Variants in C12orf75 observed in about 807,000 individuals in gnomAD.
The protein encoded by C12orf75 is overexpressed in colon carcinoma 1 protein.
C12orf75 carries 4 observed loss-of-function variants against 11.4 expected under a neutral mutation model. The observed-to-expected ratio is 0.35, with a 90% CI of 0.17 to 0.80. The LOEUF (loss-of-function observed/expected upper bound fraction) is 0.80. C12orf75 is among the 30% of genes least tolerant of loss of function. The probability of loss-of-function intolerance (pLI) is 0.52; values close to 1 mark genes in which losing one functional copy is unlikely to be tolerated. For missense variants in C12orf75, 89 were observed against 80.4 expected, an observed-to-expected ratio of 1.11 and a Z score of -0.41; for synonymous variants, 30 against 30.0, an observed-to-expected ratio of 1.00 and a Z score of 0.00.
At chr12:105,331,591 A>AACACACACAC (rs71440581) in intron 1 of C12orf75, among the ~76,000 whole-genome samples, 68 of 149,290 alleles carry the variant, frequency 4.6e-4, no homozygotes, top group Admixed American at 1.3e-3. Flanking sequence ...CTTTTCATTA[A>AACACACACAC]ACACACACAC....
At chr12:105,358,747 G>A (rs1292561027) in intron 2 of C12orf75, among the ~76,000 whole-genome samples, 1 of 152,150 alleles carries the variant, frequency 6.6e-6, no homozygotes, top group Non-Finnish European at 1.5e-5. Context: ...GGAAAAACAA[G>A]CTTATTACAC....
chr12:105,343,861 TACACACACACAG>T (rs1892603866), intron 1 of C12orf75, among the ~76,000 whole-genome samples: 1 of 152,080 alleles, frequency 6.6e-6, no homozygotes, highest in Non-Finnish European at 1.5e-5. Flanking sequence ...TTTACAATCA[TACACACACACAG>T]ACACACACAC....
chr12:105,369,271 A>G (rs1468649353), intron 5 of C12orf75, among the ~76,000 whole-genome samples: 2 of 92,870 alleles, frequency 2.2e-5, no homozygotes, highest in African/African-American at 4.8e-5. Flanking sequence ...ACACTTTAGC[A>G]TAATCCTGGT....
chr12:105,343,922 A>G (rs1161499963), intron 1 of C12orf75, among the ~76,000 whole-genome samples: 1 of 151,998 alleles, frequency 6.6e-6, no homozygotes. Context: ...CCCCACCCCT[A>G]CCATTGCAGT....
chr12:105,348,902 A>AT (rs5800663), intron 2 of C12orf75, among the ~76,000 whole-genome samples: 26,770 of 150,938 alleles, frequency 0.18, 2,700 homozygotes, highest in Non-Finnish European at 0.23. Flanking sequence ...TGGTATAGAG[A>AT]TTTTTTTTTT....
intron 2 of C12orf75, among the ~76,000 whole-genome samples, chr12:105,357,589 A>G (rs531014639): frequency 1.3e-5 from 2 of 152,272 alleles, no homozygotes; most frequent in East Asian, 1.9e-4. Context: ...TATTAATGCT[A>G]TGACTGAAAG....
At chr12:105,363,971 T>C (rs1293833647) in intron 2 of C12orf75, among the ~76,000 whole-genome samples, 3 of 152,166 alleles carry the variant, frequency 2.0e-5, no homozygotes, top group African/African-American at 7.2e-5. Context: ...TTTGGGAAAG[T>C]GAAAATATAT....
chr12:105,342,109 T>G (rs1209491061), intron 1 of C12orf75, among the ~76,000 whole-genome samples: 2 of 152,208 alleles, frequency 1.3e-5, no homozygotes, highest in Non-Finnish European at 2.9e-5. Flanking sequence ...TCCAGTTATT[T>G]TGAGGTTTTC....
intron 2 of C12orf75, among the ~76,000 whole-genome samples, chr12:105,362,455 C>T (rs907125421): frequency 4.3e-5 from 6 of 140,138 alleles, no homozygotes; most frequent in African/African-American, 1.6e-4. Flanking sequence ...ATCATGAGGT[C>T]AGGAGATTGA....
At chr12:105,354,759 A>C (rs1892754186) in intron 2 of C12orf75, among the ~76,000 whole-genome samples, 1 of 152,156 alleles carries the variant, frequency 6.6e-6, no homozygotes, top group Non-Finnish European at 1.5e-5. Flanking sequence ...GAGCAGGAAG[A>C]GAGAGAGCAG....
intron 5 of C12orf75, among the ~76,000 whole-genome samples, chr12:105,369,095 A>AG (rs1314477095): frequency 6.6e-6 from 1 of 152,222 alleles, no homozygotes; most frequent in Non-Finnish European, 1.5e-5. Flanking sequence ...GAGTGGAAAG[A>AG]GGTGCTGTCT....
At chr12:105,346,669 A>G (rs539979241) in intron 1 of C12orf75, among the ~76,000 whole-genome samples, 1 of 152,242 alleles carries the variant, frequency 6.6e-6, no homozygotes, top group Non-Finnish European at 1.5e-5. Flanking sequence ...GGTTTAGTCA[A>G]AGCCTTAAAA....
intron 1 of C12orf75, among the ~76,000 whole-genome samples, chr12:105,335,973 C>T (rs1444444692): frequency 6.6e-6 from 1 of 152,198 alleles, no homozygotes; most frequent in African/African-American, 2.4e-5. Flanking sequence ...AATAGAACCT[C>T]AGGAAGTCAG....
At chr12:105,369,547 C>T (rs1380245560) in intron 5 of C12orf75, among the ~76,000 whole-genome samples, 2 of 151,954 alleles carry the variant, frequency 1.3e-5, no homozygotes, top group Non-Finnish European at 2.9e-5. Context: ...ACCTATCAAC[C>T]CATCATCTAG....
At chr12:105,346,517 A>G (rs897980518) in intron 1 of C12orf75, among the ~76,000 whole-genome samples, 1 of 152,142 alleles carries the variant, frequency 6.6e-6, no homozygotes, top group African/African-American at 2.4e-5. Flanking sequence ...TTCCTGTGTT[A>G]AGATTTTTTT....
At chr12:105,353,816 C>T (rs913539805) in intron 2 of C12orf75, among the ~76,000 whole-genome samples, 7 of 152,138 alleles carry the variant, frequency 4.6e-5, no homozygotes, top group Non-Finnish European at 7.4e-5. Context: ...AATTCAAATA[C>T]TTCTTTCACT....
Position 105,366,014 on chromosome 12 carries a change from T to C in C12orf75, c.107+172T>C, listed in dbSNP as rs1355832012. Reference sequence around the variant, plus strand: ...AAAAGAACTTGCCCAGGATTCATCATCTTTGCTCCTTCCAAGCAAACTTGG... The same window carrying C: ...AAAAGAACTTGCCCAGGATTCATCACCTTTGCTCCTTCCAAGCAAACTTGG... On this transcript the variant is annotated intron_variant, in intron 3 of 5. Coordinates refer to ENST00000443585, the MANE Select transcript of C12orf75 (RefSeq NM_001145199.2). The C allele has an allele frequency of 1.9e-5, 12 of 635,672 alleles. No individual in the cohort carries two copies. The Admixed American group carries it at 3.2e-4, about 17-fold the overall frequency. The allele number at this position is 635,672 out of a possible 1,614,324, so 39.4% of individuals were successfully genotyped here. A position where few individuals can be genotyped will look rare whatever the true frequency, so the allele number is the denominator to read the frequency against.
chr12:105,355,766 G>C (rs1298479968), intron 2 of C12orf75, among the ~76,000 whole-genome samples: 1 of 152,226 alleles, frequency 6.6e-6, no homozygotes, highest in Non-Finnish European at 1.5e-5. Context: ...AAGGTAAGGA[G>C]ATGAAGAGTG....
intron 2 of C12orf75, among the ~76,000 whole-genome samples, chr12:105,354,986 T>G (rs1592881898): frequency 6.6e-6 from 1 of 151,904 alleles, no homozygotes; most frequent in East Asian, 1.9e-4. Context: ...GAGGATTTTT[T>G]TTTCCTCCCT....
Sources: gnomAD v4.1 joint callset for allele counts (sites outside exome capture counted in the v4.1 genomes callset) on GRCh38, gnomAD v4.1.1 for gene constraint, MANE v1.5 for transcripts, NCBI Gene and HGNC (gene_info 2026-07-23, HGNC 2026-07-21) for gene names.